Variants in DSCAM observed in about 807,000 individuals in gnomAD.
DSCAM encodes cell adhesion molecule DSCAM.
DSCAM carries 47 observed loss-of-function variants against 217.7 expected under a neutral mutation model. The observed-to-expected ratio is 0.22, with a 90% CI of 0.17 to 0.28. The LOEUF is 0.28. Ranked by LOEUF, DSCAM falls within the 10% of genes least tolerant of loss-of-function variation. The pLI, the probability that DSCAM is intolerant of heterozygous loss-of-function variation, is 1.00. For missense variants in DSCAM, 2,080 were observed against 2,618.3 expected (o/e 0.79, Z 4.49); for synonymous variants, 1,056 against 1,015.3 (o/e 1.04, Z -0.76).
At chr21:40,719,936 G>C (rs1009788264) in intron 1 of DSCAM, among the ~76,000 whole-genome samples, 1 of 152,030 alleles carries the variant, frequency 6.6e-6, no homozygotes, top group African/African-American at 2.4e-5. Context: ...AAAATTAAAA[G>C]AGTTTAAAGA....
At chr21:40,489,721 G>A (rs1036310558) in intron 3 of DSCAM, among the ~76,000 whole-genome samples, 3 of 123,704 alleles carry the variant, frequency 2.4e-5, no homozygotes, top group Admixed American at 2.2e-4. Flanking sequence ...CTTGCAGTGA[G>A]CCGAGATCCC....
At chr21:40,641,040 T>G (rs1243532581) in intron 3 of DSCAM, among the ~76,000 whole-genome samples, 1 of 152,228 alleles carries the variant, frequency 6.6e-6, no homozygotes, top group Non-Finnish European at 1.5e-5. Context: ...GCCCTACTGT[T>G]TGTGTAAAAA....
intron 3 of DSCAM, among the ~76,000 whole-genome samples, chr21:40,663,807 T>C (rs1203624736): frequency 1.3e-5 from 2 of 152,172 alleles, no homozygotes; most frequent in Non-Finnish European, 2.9e-5. Flanking sequence ...TCTGGACACC[T>C]TGATGCTTCT....
rs138667451 is a variant in DSCAM, at chr21:40,036,781, G to C, written c.5686+5590C>G. Among the ~76,000 whole-genome samples the C allele has an allele frequency of 2.8e-5, 4 of 142,836 alleles. 1 individual carries two copies. Among genetic ancestry groups the C allele is most frequent in the African/African-American group, 1.1e-4 (4 of 35,788 alleles). The allele number at this position is 142,836 out of a possible 152,430, so 93.7% of individuals were successfully genotyped here. Reference sequence around the variant, plus strand: ...AAAAACCCTCAATAAAATACTGGCAGACCGAATCCAGCAGCACATCAAAAA... The same window carrying C: ...AAAAACCCTCAATAAAATACTGGCACACCGAATCCAGCAGCACATCAAAAA... On this transcript the variant is annotated intron_variant, in intron 32 of 32. Coordinates refer to ENST00000400454, the MANE Select transcript of DSCAM (RefSeq NM_001389.5).
rs185225836 is a variant in DSCAM at position 40,300,378 on chromosome 21, C to T, written c.2063-4204G>A. ...GATGATTATTTCTTGAAAATGTATC[C>T]TCAAATTCTCTGCATCTCCACTGCC... On this transcript the variant is annotated intron_variant, in intron 9 of 32. Transcript: ENST00000400454. Among the ~76,000 whole-genome samples, 124 of 152,232 alleles carry T rather than the reference C, an allele frequency of 8.1e-4. 1 individual carries two copies. The highest frequency in any genetic ancestry group is 2.9e-3 in the African/African-American group (120 of 41,542).
intron 11 of DSCAM, among the ~76,000 whole-genome samples, chr21:40,240,349 G>GTTTTTCTT (rs2073133687): frequency 1.7e-5 from 1 of 57,722 alleles, no homozygotes; most frequent in African/African-American, 7.7e-5. Flanking sequence ...TTCCTCACTG[G>GTTTTTCTT]TTTTTTTTTT....
intron 1 of DSCAM, among the ~76,000 whole-genome samples, chr21:40,767,531 C>A (rs2091404133): frequency 6.6e-6 from 1 of 152,144 alleles, no homozygotes; most frequent in Non-Finnish European, 1.5e-5. Context: ...ACAAAATAAG[C>A]TTCTCCAGCT....
intron 3 of DSCAM, among the ~76,000 whole-genome samples, chr21:40,406,499 T>A (rs893814634): frequency 1.6e-4 from 25 of 152,142 alleles, no homozygotes; most frequent in Non-Finnish European, 1.9e-4. Flanking sequence ...TGAAACAACA[T>A]GGATAAACCT....
chr21:40,253,873 A>G (rs1024229891), intron 11 of DSCAM, among the ~76,000 whole-genome samples: 44 of 152,184 alleles, frequency 2.9e-4, no homozygotes, highest in African/African-American at 1.0e-3. Flanking sequence ...ATTGTTAAGT[A>G]TGGCATTTTC....
intron 3 of DSCAM, among the ~76,000 whole-genome samples, chr21:40,453,548 G>T (rs2075739162): frequency 6.6e-6 from 1 of 152,046 alleles, no homozygotes; most frequent in Non-Finnish European, 1.5e-5. Context: ...CTATCCTTGG[G>T]GACCACTGCC....
intron 2 of DSCAM, 138 bp downstream of exon 2, chr21:40,708,316 T>C (rs537845006): frequency 1.6e-6 from 1 of 644,098 alleles, no homozygotes; most frequent in Admixed American, 3.7e-5. Flanking sequence ...CTTAAAGAAG[T>C]CATCAGCAAG....
chr21:40,098,731 A>G (rs1466998144), intron 20 of DSCAM, among the ~76,000 whole-genome samples: 2 of 152,232 alleles, frequency 1.3e-5, no homozygotes, highest in Non-Finnish European at 2.9e-5. Context: ...ATAATGTCAG[A>G]TAATTACTTA....
At chr21:40,495,350 G>A (rs888545106) in intron 3 of DSCAM, among the ~76,000 whole-genome samples, 4 of 152,122 alleles carry the variant, frequency 2.6e-5, no homozygotes, top group Non-Finnish European at 5.9e-5. Context: ...TGATCAGTAC[G>A]ATTGGTCCCT....
chr21:40,219,986 A>C (rs986555964), intron 11 of DSCAM, among the ~76,000 whole-genome samples: 2 of 152,238 alleles, frequency 1.3e-5, no homozygotes, highest in African/African-American at 2.4e-5. Context: ...CAAAAAGAAA[A>C]CGGGAATCAA....
intron 4 of DSCAM, among the ~76,000 whole-genome samples, chr21:40,360,121 G>GTT (rs764160478): frequency 0.016 from 1,298 of 82,622 alleles, 344 homozygotes; most frequent in African/African-American, 0.047. Flanking sequence ...TTCATAGGTA[G>GTT]TCTTTTTTTT....
At position 40,498,715 on chromosome 21, in the gene DSCAM, GTATATATATATGGGTGTGTGTATATATA is replaced by G. The variant is rs1568855051; in HGVS notation, c.509-129498_509-129471del. 8.0e-3 allele frequency among the ~76,000 whole-genome samples: 128 copies of G among 16,008 alleles called. 7 individuals are homozygous for G. Among genetic ancestry groups the G allele is most frequent in the South Asian group, 0.026 (9 of 342 alleles). The allele number at this position is 16,008 out of a possible 152,430, so 10.5% of individuals were successfully genotyped here. A position where few individuals can be genotyped will look rare whatever the true frequency, so the allele number is the denominator to read the frequency against. ...TATATATAGATATATATATATGGGT[GTATATATATATGGGTGTGTGTATATATA>G]TATATATATATATGGGTGTATATAT... On this transcript the variant is annotated intron_variant, in intron 3 of 32. Transcript: ENST00000400454.
At chr21:40,638,073 A>G (rs965661535) in intron 3 of DSCAM, among the ~76,000 whole-genome samples, 1 of 152,230 alleles carries the variant, frequency 6.6e-6, no homozygotes, top group African/African-American at 2.4e-5. Context: ...CTATGAGAAC[A>G]TCATAGAACT....
Position 40,297,459 on chromosome 21 carries a change from A to T in DSCAM, c.2063-1285T>A, listed in dbSNP as rs145364323. 5.5e-3 allele frequency among the ~76,000 whole-genome samples: 838 copies of T among 152,326 alleles called. 13 individuals are homozygous for T. Among genetic ancestry groups the T allele is most frequent in the African/African-American group, 0.019 (797 of 41,568 alleles). ...TATCTACACCATATAGTAGATACTT[A>T]GAAATTCCTGGTAAGGCTAATCTCA... is the stretch of plus-strand genomic sequence containing the variant. On this transcript the variant is annotated intron_variant, in intron 9 of 32. Coordinates refer to ENST00000400454, the MANE Select transcript of DSCAM (RefSeq NM_001389.5).
chr21:40,543,678 T>G (rs565181049), intron 3 of DSCAM, among the ~76,000 whole-genome samples: 41 of 152,142 alleles, frequency 2.7e-4, no homozygotes, highest in Non-Finnish European at 5.3e-4. Flanking sequence ...CTACTTGGTA[T>G]CAGTCTTCCA....
Sources: gnomAD v4.1 joint callset for allele counts (sites outside exome capture counted in the v4.1 genomes callset) on GRCh38, gnomAD v4.1.1 for gene constraint, MANE v1.5 for transcripts, NCBI Gene and HGNC (gene_info 2026-07-23, HGNC 2026-07-21) for gene names.